Variants in PIK3CA observed in about 807,000 individuals in gnomAD.
The protein encoded by PIK3CA is phosphatidylinositol-4,5-bisphosphate 3-kinase catalytic subunit alpha.
PIK3CA carries 27 observed loss-of-function variants against 138.2 expected under a neutral mutation model. That is an observed-to-expected ratio of 0.20 (90% CI 0.14 to 0.27). PIK3CA has a LOEUF of 0.27. PIK3CA is among the 10% of genes least tolerant of loss of function. The probability of loss-of-function intolerance (pLI) is 1.00; values close to 1 mark genes in which losing one functional copy is unlikely to be tolerated. For missense variants in PIK3CA, 544 were observed against 1,277.4 expected, an observed-to-expected ratio of 0.43 and a Z score of 8.75; for synonymous variants, 358 against 413.2, an observed-to-expected ratio of 0.87 and a Z score of 1.62.
In PIK3CA at chr3:179,220,018, C is replaced by G. The variant is rs1175399043; in HGVS notation, c.1981C>G (p.Gln661Glu). 4 of 1,597,740 alleles carry G rather than the reference C, an allele frequency of 2.5e-6. No homozygotes were observed. The African/African-American group carries it at 5.4e-5, about 22-fold the overall frequency. Residue 661 changes from glutamine to glutamate, a missense_variant, in exon 13 of 21, where the codon CAA (glutamine) becomes GAA (glutamate). Gln to Glu is a conservative substitution (Grantham distance 29). Coordinates refer to ENST00000263967, the MANE Select transcript of PIK3CA (RefSeq NM_006218.4). The surrounding 1 kb of genome is among the most constrained non-coding windows in gnomAD (Gnocchi z 4.1). ...TTTACTGAAGAAAGCATTGACTAAT[C>G]AAAGGATTGGGCACTTTTTCTTTTG... is the stretch of plus-strand genomic sequence containing the variant. ...RFLLKKALTNQRIGHFFFWHL... is the reference protein window; with the variant it reads ...RFLLKKALTNERIGHFFFWHL...
rs890401187 is a variant in PIK3CA at position 179,239,033 on chromosome 3, G to C, written c.*4669G>C. Reference sequence around the variant, plus strand: ...CTTGCTAGTTAGCATAAAGTGACAGGTGTGAGCCATGAGGAAATTTTCTGA... The same window carrying C: ...CTTGCTAGTTAGCATAAAGTGACAGCTGTGAGCCATGAGGAAATTTTCTGA... On this transcript the variant is annotated 3_prime_UTR_variant, in exon 21 of 21. Coordinates refer to ENST00000263967, the MANE Select transcript of PIK3CA (RefSeq NM_006218.4). 1 of 216,804 alleles carries C rather than the reference G, an allele frequency of 4.6e-6. No individual in the cohort carries two copies. Among genetic ancestry groups the C allele is most frequent in the Non-Finnish European group, 9.3e-6 (1 of 107,986 alleles). The allele number at this position is 216,804 out of a possible 1,614,324, so 13.4% of individuals were successfully genotyped here. A position where few individuals can be genotyped will look rare whatever the true frequency, so the allele number is the denominator to read the frequency against.
chr3:179,189,548 G>A (rs1724075117), intron 1 of PIK3CA, among the ~76,000 whole-genome samples: 1 of 151,664 alleles, frequency 6.6e-6, no homozygotes, highest in Non-Finnish European at 1.5e-5. Context: ...AGTCCACATT[G>A]CTATAAATAC....
intron 1 of PIK3CA, among the ~76,000 whole-genome samples, chr3:179,170,768 A>G (rs1723540414): frequency 6.6e-6 from 1 of 152,234 alleles, no homozygotes. Flanking sequence ...CTAAATGTAT[A>G]TGCACTTAAG....
intron 1 of PIK3CA, among the ~76,000 whole-genome samples, chr3:179,182,405 T>C (rs7646409): frequency 0.25 from 38,275 of 151,976 alleles, 5,821 homozygotes; most frequent in African/African-American, 0.42. Flanking sequence ...CTATGACTCA[T>C]GCCTCTAATC....
intron 1 of PIK3CA, among the ~76,000 whole-genome samples, chr3:179,178,761 C>T (rs1221460514): frequency 2.0e-5 from 3 of 152,096 alleles, no homozygotes; most frequent in Non-Finnish European, 4.4e-5. Context: ...GTGAATGGGG[C>T]AAAATCCAGG....
intron 1 of PIK3CA, among the ~76,000 whole-genome samples, chr3:179,166,082 A>T (rs768490374): frequency 6.6e-6 from 1 of 152,000 alleles, no homozygotes; most frequent in Non-Finnish European, 1.5e-5. Context: ...TTAATCTTAG[A>T]GTAAAAGCCT....
intron 1 of PIK3CA, among the ~76,000 whole-genome samples, chr3:179,174,195 G>A (rs1226178265): frequency 1.3e-5 from 2 of 152,088 alleles, no homozygotes; most frequent in Non-Finnish European, 2.9e-5. Context: ...ATCAGGCCGA[G>A]CATGGTGGCT....
At chr3:179,221,333 C>A (rs1270749048) in intron 14 of PIK3CA, among the ~76,000 whole-genome samples, 176 bp downstream of exon 14, 5 of 152,108 alleles carry the variant, frequency 3.3e-5, no homozygotes, top group Non-Finnish European at 7.4e-5. Flanking sequence ...GCTCTCAGGA[C>A]TCATTTTCTT....
chr3:179,220,940 T>C lies in PIK3CA; in HGVS notation c.2016-46T>C. On this transcript the variant is annotated intron_variant, in intron 13 of 20. Coordinates refer to ENST00000263967, the MANE Select transcript of PIK3CA (RefSeq NM_006218.4). The surrounding 1 kb of genome is among the most constrained non-coding windows in gnomAD (Gnocchi z 4.1). ...TTAGCAAAGATTATTTGTATACTGA[T>C]TTAAGACTATATATATATATTTTTA... is the stretch of plus-strand genomic sequence containing the variant. 1 of 1,262,954 alleles carries C rather than the reference T, an allele frequency of 7.9e-7. No homozygotes were observed. Among genetic ancestry groups the C allele is most frequent in the African/African-American group, 1.5e-5 (1 of 66,002 alleles). 78.2% of individuals were successfully genotyped at this position (1,262,954 alleles called of 1,614,324 possible). A position where few individuals can be genotyped will look rare whatever the true frequency, so the allele number is the denominator to read the frequency against.
intron 1 of PIK3CA, among the ~76,000 whole-genome samples, chr3:179,189,018 C>A (rs1003509571): frequency 1.3e-5 from 2 of 151,980 alleles, no homozygotes; most frequent in African/African-American, 4.8e-5. Context: ...TCAAGACCAG[C>A]CTGGCCAACA....
intron 9 of PIK3CA, among the ~76,000 whole-genome samples, chr3:179,213,963 T>C (rs1489978532): frequency 6.6e-6 from 1 of 152,252 alleles, no homozygotes; most frequent in African/African-American, 2.4e-5. Flanking sequence ...CTCTGCTAGC[T>C]TCAAACTTTT....
chr3:179,156,975 G>A (rs1723153670), intron 1 of PIK3CA, among the ~76,000 whole-genome samples: 1 of 152,002 alleles, frequency 6.6e-6, no homozygotes, highest in Non-Finnish European at 1.5e-5. Flanking sequence ...GGAATTTTTT[G>A]CTAAGTCAGC....
chr3:179,231,073 T>C (rs79618887), intron 20 of PIK3CA, among the ~76,000 whole-genome samples: 3,773 of 152,264 alleles, frequency 0.025, 168 homozygotes, highest in African/African-American at 0.086. Flanking sequence ...GAGAACATAC[T>C]GTATTTTCAG....
In PIK3CA at chr3:179,210,259, C is replaced by T. The variant is rs2108400475; in HGVS notation, c.1325C>T (p.Ala442Val). The T allele has an allele frequency of 6.3e-7, 1 of 1,596,450 alleles. No homozygotes were observed. Among genetic ancestry groups the T allele is most frequent in the Non-Finnish European group, 8.5e-7 (1 of 1,175,658 alleles). ...YTDTLVSGKMALNLWPVPHGL... is the reference protein window; with the variant it reads ...YTDTLVSGKMVLNLWPVPHGL... ...GACACTCTAGTATCTGGAAAAATGG[C>T]TTTGAATCTTTGGCCAGTACCTCAT... is the stretch of plus-strand genomic sequence containing the variant. The change falls in exon 8 of 21, where the codon GCT becomes GTT. Residue 442 changes from alanine (A) to valine (V), a missense_variant. Around this residue, in one of 14 missense-constraint regions of PIK3CA, gnomAD observed 234 missense variants for 401.3 expected, o/e 0.58. Coordinates refer to ENST00000263967, the MANE Select transcript of PIK3CA (RefSeq NM_006218.4).
chr3:179,232,681 A>C (rs557645647), intron 20 of PIK3CA, among the ~76,000 whole-genome samples: 1 of 152,038 alleles, frequency 6.6e-6, no homozygotes, highest in Admixed American at 6.6e-5. Context: ...CCTTGAAAAG[A>C]TCTTTCACCC....
chr3:179,157,703 T>C (rs1723174986), intron 1 of PIK3CA, among the ~76,000 whole-genome samples: 1 of 152,076 alleles, frequency 6.6e-6, no homozygotes, highest in Non-Finnish European at 1.5e-5. Context: ...GTCAGGATAG[T>C]CTTAGAAAAG....
In PIK3CA at chr3:179,216,757, A is replaced by G. The variant is rs1267824058; in HGVS notation, c.1540-1453A>G. Among the ~76,000 whole-genome samples the G allele has an allele frequency of 7.2e-5, 11 of 152,272 alleles. No individual in the cohort carries two copies. The East Asian group carries it at 2.1e-3, about 29-fold the overall frequency. ...TATTTAAATTCTTATTAAAATGTCT[A>G]ATAAAATTGTTTTCCCCATCACTTT... On this transcript the variant is annotated intron_variant, in intron 9 of 20. Coordinates refer to ENST00000263967, the MANE Select transcript of PIK3CA (RefSeq NM_006218.4).
chr3:179,158,907 G>A (rs931927018), intron 1 of PIK3CA, among the ~76,000 whole-genome samples: 12 of 146,182 alleles, frequency 8.2e-5, no homozygotes, highest in Admixed American at 2.0e-4. Context: ...TCATATTTAA[G>A]TTTGTGGAAA....
At position 179,220,158 on chromosome 3, in the gene PIK3CA, G is replaced by T. The variant is rs935335161; in HGVS notation, c.2015+106G>T. 23 of 972,784 alleles carry T rather than the reference G, an allele frequency of 2.4e-5. No homozygotes were observed. The Admixed American group carries it at 6.2e-4, about 26-fold the overall frequency. 60.3% of individuals were successfully genotyped at this position (972,784 alleles called of 1,614,324 possible). A position where few individuals can be genotyped will look rare whatever the true frequency, so the allele number is the denominator to read the frequency against. The stretch of plus-strand genomic sequence containing the variant: ...TATATACTTTTGTTTATGTTTGGCT[G>T]GAAGAGTTTTCCATACTAAAAGTAT... On this transcript the variant is annotated intron_variant, in intron 13 of 20. Coordinates refer to ENST00000263967, the MANE Select transcript of PIK3CA (RefSeq NM_006218.4). This position sits in a 1 kb window ranked among gnomAD's most constrained non-coding sequence, Gnocchi z 4.1.
Sources: gnomAD v4.1 joint callset for allele counts (sites outside exome capture counted in the v4.1 genomes callset) on GRCh38, gnomAD v4.1.1 for gene constraint, gnomAD v4.1.1 regional missense constraint, Gnocchi (gnomAD v3.1) non-coding constraint, MANE v1.5 for transcripts, NCBI Gene and HGNC (gene_info 2026-07-23, HGNC 2026-07-21) for gene names.